CDC42BPB: variants seen among roughly 807,000 people sequenced by gnomAD.
CDC42BPB encodes the protein CDC42 binding protein kinase beta.
CDC42BPB carries 37 observed loss-of-function variants against 214.9 expected under a neutral mutation model. The ratio of observed to expected loss-of-function variants is 0.17; its 90% CI spans 0.13 to 0.23. CDC42BPB has a LOEUF of 0.23. CDC42BPB is among the 10% of genes least tolerant of loss of function. The pLI, the probability that CDC42BPB is intolerant of heterozygous loss-of-function variation, is 1.00. For missense variants in CDC42BPB, 1,694 were observed against 2,227.0 expected, an observed-to-expected ratio of 0.76 and a Z score of 4.82; for synonymous variants, 931 against 884.0, an observed-to-expected ratio of 1.05 and a Z score of -0.94.
intron 19 of CDC42BPB, 28 bp downstream of exon 19, chr14:102,964,474 C>T (rs754899728): frequency 1.9e-6 from 3 of 1,611,338 alleles, no homozygotes; most frequent in African/African-American, 2.7e-5. Flanking sequence ...ACTGCTCCTA[C>T]CTGGAGTCAG....
chr14:102,981,748 G>C (rs964600911), intron 7 of CDC42BPB, among the ~76,000 whole-genome samples: 3 of 152,204 alleles, frequency 2.0e-5, no homozygotes, highest in Admixed American at 6.5e-5. Flanking sequence ...CTGCACTCCA[G>C]CCTGGGTGAC....
At chr14:103,012,027 A>G in intron 2 of CDC42BPB, 70 bp downstream of exon 2, 2 of 987,056 alleles carry the variant, frequency 2.0e-6, no homozygotes, top group Non-Finnish European at 1.6e-6. Context: ...TAGGTGCACA[A>G]AAAGGTGAAA....
rs1419387363 is a variant in CDC42BPB, at chr14:102,980,812, T to C, written c.1101A>G (p.Thr367=). Residue 367 remains threonine (T), a synonymous_variant, in exon 8 of 37, where the codon ACA becomes ACG. Transcript: ENST00000361246. ...CGTCGTCATCCACGTCGAAGTTGGA[T>C]GTGTCAGAGGGACTGCTCACATCAG... ...YIPDVSSPSD[T]SNFDVDDDVL... is the part of the protein sequence containing the mutation. 6.2e-7 allele frequency: 1 copy of C among 1,614,214 alleles called. No individual in the cohort carries two copies. The highest frequency in any genetic ancestry group is 1.3e-5 in the African/African-American group (1 of 75,054).
chr14:103,039,867 T>C (rs1170306667), intron 1 of CDC42BPB, among the ~76,000 whole-genome samples: 1 of 152,182 alleles, frequency 6.6e-6, no homozygotes, highest in African/African-American at 2.4e-5. Flanking sequence ...AAAATTTATA[T>C]GATTTTTTAT....
intron 23 of CDC42BPB, 142 bp downstream of exon 23, chr14:102,954,056 C>A: frequency 1.5e-6 from 1 of 657,740 alleles, no homozygotes; most frequent in Non-Finnish European, 2.7e-6. Flanking sequence ...AACTTTCCTA[C>A]AGAACATGAG....
intron 3 of CDC42BPB, among the ~76,000 whole-genome samples, chr14:103,005,705 GA>G (rs546871029): frequency 1.6e-4 from 24 of 150,118 alleles, no homozygotes; most frequent in Non-Finnish European, 3.1e-4. Context: ...TCTAAAACAA[GA>G]AAAAAAAAGT....
In CDC42BPB at chr14:102,944,411, G is replaced by A; in HGVS notation, c.3888C>T (p.Leu1296=). The change falls in exon 30 of 37, where the codon CTC becomes CTT. Residue 1296 remains leucine, a synonymous_variant. Coordinates refer to ENST00000361246, the MANE Select transcript of CDC42BPB (RefSeq NM_006035.4). The surrounding 1 kb of genome is among the most constrained non-coding windows in gnomAD (Gnocchi z 6.6). ...GGTGCACATGGTGGTTCCGGCCACAGAGGAGGATTACGATCTTCTCCCTGG... is the reference window on the plus strand; with the variant it reads ...GGTGCACATGGTGGTTCCGGCCACAAAGGAGGATTACGATCTTCTCCCTGG... ...LAPREKIVIL[L]CGRNHHVHLY... is the part of the protein sequence containing the mutation. 6.2e-7 allele frequency: 1 copy of A among 1,613,104 alleles called. No individual in the cohort carries two copies. Among genetic ancestry groups the A allele is most frequent in the Non-Finnish European group, 8.5e-7 (1 of 1,180,004 alleles).
chr14:103,051,167 G>T (rs986104182), intron 1 of CDC42BPB, among the ~76,000 whole-genome samples: 2 of 150,060 alleles, frequency 1.3e-5, no homozygotes, highest in Non-Finnish European at 2.9e-5. Flanking sequence ...GGGGGCGGGA[G>T]ATTACTACAC....
chr14:102,984,705 A>C (rs1894156342), intron 6 of CDC42BPB, among the ~76,000 whole-genome samples: 1 of 152,000 alleles, frequency 6.6e-6, no homozygotes, highest in South Asian at 2.1e-4. Flanking sequence ...CTGAGTCTCT[A>C]AGACTGAGGC....
chr14:102,949,979 A>G, intron 25 of CDC42BPB, 75 bp from the exon 26 acceptor site: 1 of 1,584,738 alleles, frequency 6.3e-7, no homozygotes, highest in Non-Finnish European at 8.6e-7. Context: ...ACTCGTTCAC[A>G]ATCTCCTTCC....
In CDC42BPB at chr14:102,950,590, G is replaced by A; in HGVS notation, c.3185C>T (p.Ala1062Val). 3 of 1,593,614 alleles carry A rather than the reference G, an allele frequency of 1.9e-6. No homozygotes were observed. The highest frequency in any genetic ancestry group is 2.3e-5 in the South Asian group (2 of 88,422). Residue 1062 changes from alanine (A) to valine (V), a missense_variant, in exon 25 of 37, where the codon GCT (alanine) becomes GTT (valine). This residue lies in a region of CDC42BPB where 567 missense variants were observed against 790.3 expected (regional missense o/e 0.72). Coordinates refer to ENST00000361246, the MANE Select transcript of CDC42BPB (RefSeq NM_006035.4). ...ACCGTCTTTGCAGGACACGTGGCAA[G>A]CAAAGGAACACACTGGAAGAGAGCA... is the stretch of plus-strand genomic sequence containing the variant. ...QGYACEVCSF[A>V]CHVSCKDGAP...
At chr14:102,940,446 G>A in intron 30 of CDC42BPB, 122 bp from the exon 31 acceptor site, 2 of 1,493,942 alleles carry the variant, frequency 1.3e-6, no homozygotes, top group South Asian at 2.6e-5. Context: ...CCCTCAGCTG[G>A]TTCACGTCAC....
In CDC42BPB at chr14:103,004,162, C is replaced by A. The variant is rs1895127159; in HGVS notation, c.352-139G>T. 12 of 1,396,294 alleles carry A rather than the reference C, an allele frequency of 8.6e-6. No homozygotes were observed. The highest frequency in any genetic ancestry group is 1.0e-5 in the Non-Finnish European group (11 of 1,071,614). 86.5% of individuals were successfully genotyped at this position (1,396,294 alleles called of 1,614,324 possible). ...TTCCGGGCTCCTCCTCGTGCACCAC[C>A]CCGAGGCTGCTGAGGCTGAGCCATC... On this transcript the variant is annotated intron_variant, in intron 3 of 36. Transcript: ENST00000361246. This position sits in a 1 kb window ranked among gnomAD's most constrained non-coding sequence, Gnocchi z 5.3.
intron 5 of CDC42BPB, 161 bp from the exon 6 acceptor site, chr14:102,986,741 T>C: frequency 1.0e-6 from 1 of 985,262 alleles, no homozygotes; most frequent in Non-Finnish European, 1.2e-6. Flanking sequence ...TCAGCTGGCA[T>C]GGTGGCAGCC....
intron 12 of CDC42BPB, among the ~76,000 whole-genome samples, chr14:102,972,857 A>G (rs2139479327): frequency 6.6e-6 from 1 of 152,202 alleles, no homozygotes; most frequent in East Asian, 1.9e-4. Context: ...TGGGCACTCA[A>G]TCTAGTTACT....
intron 1 of CDC42BPB, among the ~76,000 whole-genome samples, chr14:103,014,135 T>C (rs1352302876): frequency 6.4e-5 from 9 of 140,626 alleles, no homozygotes; most frequent in East Asian, 2.1e-4. Context: ...CACTGCACTC[T>C]AGCCTGGGCG....
chr14:102,987,788 AACAC>A (rs57579935), intron 5 of CDC42BPB, among the ~76,000 whole-genome samples: 2,337 of 140,828 alleles, frequency 0.017, 39 homozygotes, highest in African/African-American at 0.05. Flanking sequence ...CAAACACACA[AACAC>A]ACACACACAC....
chr14:103,012,123 C>T lies in CDC42BPB; in HGVS notation c.241G>A (p.Val81Ile). ...TCACCAAAAGCACCTCTTCCAATTA[C>T]TTTAATTATTTCAAAGTCTTCTCGA... ...LHREDFEIIKVIGRGAFGEVA... is the reference protein window; with the variant it reads ...LHREDFEIIKIIGRGAFGEVA... The change falls in exon 2 of 37, where the codon GTA becomes ATA. Residue 81 changes from valine to isoleucine, a missense_variant. Val to Ile is a conservative substitution (Grantham distance 29, BLOSUM62 3). Coordinates refer to ENST00000361246, the MANE Select transcript of CDC42BPB (RefSeq NM_006035.4). 1.2e-6 allele frequency: 2 copies of T among 1,613,544 alleles called. No homozygotes were observed. Among genetic ancestry groups the T allele is most frequent in the Non-Finnish European group, 1.7e-6 (2 of 1,179,548 alleles).
chr14:103,052,658 A>C (rs1037988419), intron 1 of CDC42BPB, among the ~76,000 whole-genome samples: 3 of 152,156 alleles, frequency 2.0e-5, no homozygotes, highest in Middle Eastern at 3.2e-3. Context: ...GATTAATTCT[A>C]TTCATGAAGA....
Sources: gnomAD v4.1 joint callset for allele counts (sites outside exome capture counted in the v4.1 genomes callset) on GRCh38, gnomAD v4.1.1 for gene constraint, gnomAD v4.1.1 regional missense constraint, Gnocchi (gnomAD v3.1) non-coding constraint, MANE v1.5 for transcripts, NCBI Gene and HGNC (gene_info 2026-07-23, HGNC 2026-07-21) for gene names.